The following PTK2 variants were observed in gnomAD, a reference collection of about 807,000 sequenced individuals.
PTK2 encodes the protein focal adhesion kinase 1.
A neutral mutation model predicts 150.1 loss-of-function variants in PTK2; 45 were observed. That is an observed-to-expected ratio of 0.30 (90% CI 0.24 to 0.38). The LOEUF (loss-of-function observed/expected upper bound fraction) is 0.38. Among genes scored for constraint, PTK2 ranks in the 10% least tolerant of loss-of-function variants. The pLI, the probability that PTK2 is intolerant of heterozygous loss-of-function variation, is 1.00. For synonymous variants in PTK2, 432 were observed against 449.2 expected (o/e 0.96, Z 0.48); for missense variants, 919 against 1,307.3 (o/e 0.70, Z 4.58).
At chr8:140,799,447 G>C (rs1186490539) in intron 12 of PTK2, 1 of 152,662 alleles carries the variant, frequency 6.6e-6, no homozygotes, top group Non-Finnish European at 1.5e-5. Context: ...AGTGCTAGAA[G>C]GGGTATTGGC....
chr8:140,864,044 G>T (rs1033719533), intron 5 of PTK2, among the ~76,000 whole-genome samples: 13 of 152,116 alleles, frequency 8.5e-5, no homozygotes, highest in Admixed American at 2.6e-4. Flanking sequence ...CATAATAATT[G>T]TATTTAAATT....
intron 8 of PTK2, among the ~76,000 whole-genome samples, chr8:140,820,374 T>A (rs983015558): frequency 3.3e-5 from 5 of 151,910 alleles, no homozygotes; most frequent in Non-Finnish European, 5.9e-5. Flanking sequence ...GTGCTGGGAT[T>A]ATAGGCATGA....
intron 12 of PTK2, 60 bp downstream of exon 12, chr8:140,800,399 C>T (rs886821220): frequency 2.2e-6 from 3 of 1,342,764 alleles, no homozygotes; most frequent in Admixed American, 3.4e-5. Flanking sequence ...CTGTTAGGGG[C>T]AAGCACAGCT....
intron 8 of PTK2, among the ~76,000 whole-genome samples, chr8:140,829,456 A>G (rs1242999982): frequency 6.6e-6 from 1 of 152,238 alleles, no homozygotes; most frequent in Admixed American, 6.5e-5. Flanking sequence ...TGACGTCGAC[A>G]GTTCTCTCTC....
At chr8:140,719,437 G>A (rs2100041545) in intron 22 of PTK2, among the ~76,000 whole-genome samples, 1 of 152,092 alleles carries the variant, frequency 6.6e-6, no homozygotes, top group Non-Finnish European at 1.5e-5. Flanking sequence ...GAGTGGTGCA[G>A]GGAAGTTTGG....
At chr8:140,767,968 C>T (rs904390739) in intron 14 of PTK2, among the ~76,000 whole-genome samples, 2 of 151,832 alleles carry the variant, frequency 1.3e-5, no homozygotes, top group Non-Finnish European at 2.9e-5. Context: ...AGAAAAATTA[C>T]CCCCCAAGGG....
At chr8:140,849,195 A>G (rs2100127568) in intron 5 of PTK2, among the ~76,000 whole-genome samples, 1 of 152,142 alleles carries the variant, frequency 6.6e-6, no homozygotes, top group Non-Finnish European at 1.5e-5. Context: ...GTATTCTGCA[A>G]AGAGTATAGA....
chr8:140,963,680 G>A (rs1333553801), intron 1 of PTK2, among the ~76,000 whole-genome samples: 2 of 152,164 alleles, frequency 1.3e-5, no homozygotes, highest in East Asian at 1.9e-4. Context: ...ATTACTTTGA[G>A]GGATATTAGA....
intron 22 of PTK2, among the ~76,000 whole-genome samples, chr8:140,732,289 TA>T (rs2100049901): frequency 6.6e-6 from 1 of 152,200 alleles, no homozygotes; most frequent in Non-Finnish European, 1.5e-5. Context: ...ACACCATTTC[TA>T]AAACAGAACA....
chr8:140,846,503 A>T (rs56176100), intron 6 of PTK2, 96 bp downstream of exon 6: 56,247 of 1,190,052 alleles, frequency 0.047, 1,604 homozygotes, highest in Middle Eastern at 0.057. Context: ...TATTTCACTG[A>T]TAATCCTTAT....
intron 31 of PTK2, among the ~76,000 whole-genome samples, chr8:140,664,235 G>C (rs977763971): frequency 6.6e-6 from 1 of 152,190 alleles, no homozygotes; most frequent in African/African-American, 2.4e-5. Flanking sequence ...GTCCGCCTCA[G>C]CCTCCCAAAG....
At chr8:140,806,729 G>A (rs922235807) in intron 10 of PTK2, among the ~76,000 whole-genome samples, 2 of 152,106 alleles carry the variant, frequency 1.3e-5, no homozygotes, top group Non-Finnish European at 2.9e-5. Context: ...TGACTAGAGT[G>A]CCTTCCAATG....
chr8:140,730,964 C>G (rs1383186891), intron 22 of PTK2, among the ~76,000 whole-genome samples: 10 of 137,994 alleles, frequency 7.2e-5, no homozygotes, highest in Non-Finnish European at 1.3e-4. Context: ...CCCCCCCCCC[C>G]CTTTTTTTTT....
At chr8:140,762,383 A>G in intron 15 of PTK2, 1 of 1,176,708 alleles carries the variant, frequency 8.5e-7, no homozygotes, top group Non-Finnish European at 1.1e-6. Context: ...TCTATTCCAT[A>G]GCTTTCTGTA....
intron 1 of PTK2, among the ~76,000 whole-genome samples, chr8:140,929,543 T>C (rs919840130): frequency 2.0e-5 from 3 of 152,072 alleles, no homozygotes; most frequent in East Asian, 3.9e-4. Flanking sequence ...ATTACTAATA[T>C]CATCATTTTC....
At chr8:140,783,929 G>A (rs1395040960) in intron 14 of PTK2, among the ~76,000 whole-genome samples, 2 of 152,134 alleles carry the variant, frequency 1.3e-5, no homozygotes, top group Non-Finnish European at 2.9e-5. Context: ...TTGGAAGGCC[G>A]AGGTGGGTGG....
chr8:140,832,645 G>A (rs185764906), intron 7 of PTK2, among the ~76,000 whole-genome samples: 2 of 152,244 alleles, frequency 1.3e-5, no homozygotes, highest in Admixed American at 1.3e-4. Context: ...TGGTGGACAG[G>A]AGAAGCGGTG....
rs145382765 is a variant in PTK2 at position 140,712,848 on chromosome 8, C to T, written c.2142+4750G>A. 1.1e-4 allele frequency among the ~76,000 whole-genome samples: 17 copies of T among 152,236 alleles called. No individual in the cohort carries two copies. The East Asian group carries it at 2.3e-3, about 21-fold the overall frequency. On this transcript the variant is annotated intron_variant, in intron 23 of 31. Coordinates refer to ENST00000522684, the Ensembl canonical transcript of PTK2. Reference sequence around the variant, plus strand: ...TTGCTTGAAAACTCGAATTTTATACCGGTAACAAACAGTTGTTTTCTTCAA... The same window carrying T: ...TTGCTTGAAAACTCGAATTTTATACTGGTAACAAACAGTTGTTTTCTTCAA...
chr8:140,843,908 T>C (rs930857509), intron 7 of PTK2, among the ~76,000 whole-genome samples: 3 of 151,748 alleles, frequency 2.0e-5, no homozygotes, highest in African/African-American at 7.2e-5. Flanking sequence ...TCCCCTATCA[T>C]TTTTCTGTTC....
Sources: gnomAD v4.1 joint callset for allele counts (sites outside exome capture counted in the v4.1 genomes callset) on GRCh38, gnomAD v4.1.1 for gene constraint, MANE v1.5 for transcripts, NCBI Gene and HGNC (gene_info 2026-07-23, HGNC 2026-07-21) for gene names.